RANBP10: variants seen among roughly 807,000 people sequenced by gnomAD.
RANBP10 encodes ran-binding protein 10.
In RANBP10, 24 loss-of-function variants were observed where a neutral mutation model predicts 72.8. The observed-to-expected ratio is 0.33, with a 90% CI of 0.24 to 0.46. RANBP10 has a LOEUF of 0.46. Ranked by LOEUF, RANBP10 falls within the 20% of genes least tolerant of loss-of-function variation. The probability of loss-of-function intolerance (pLI) is 1.00; values close to 1 mark genes in which losing one functional copy is unlikely to be tolerated. For synonymous variants in RANBP10, 310 were observed against 322.3 expected (o/e 0.96, Z 0.41); for missense variants, 679 against 817.5 (o/e 0.83, Z 2.07).
At chr16:67,733,060 A>AC (rs1439164869) in intron 6 of RANBP10, among the ~76,000 whole-genome samples, 10 of 148,696 alleles carry the variant, frequency 6.7e-5, no homozygotes, top group Non-Finnish European at 1.3e-4. Context: ...TCTCAAAAAA[A>AC]AAAAAAAAAA....
Position 67,725,990 on chromosome 16 carries a change from T to A in RANBP10, c.*438A>T, listed in dbSNP as rs2053590970. The A allele has an allele frequency of 6.4e-6, 1 of 155,244 alleles. No individual in the cohort carries two copies. The highest frequency in any genetic ancestry group is 1.7e-4 in the South Asian group (1 of 5,774). The allele number at this position is 155,244 out of a possible 1,614,324, so 9.6% of individuals were successfully genotyped here. A position where few individuals can be genotyped will look rare whatever the true frequency, so the allele number is the denominator to read the frequency against. The stretch of plus-strand genomic sequence containing the variant: ...TATATTTTTATATATATATATATAA[T>A]CTCATTTGTTTTTTACTTATGAAAA... On this transcript the variant is annotated 3_prime_UTR_variant, in exon 14 of 14. Transcript: ENST00000317506.
rs116400768 is a variant in RANBP10, at chr16:67,762,155, C to G, written c.400+9879G>C. On this transcript the variant is annotated intron_variant, in intron 3 of 13. Transcript: ENST00000317506. ...GGTTGTGTGCCTGTAGTTCCAGCTACTCGGGAAGCTGAGGCAAGAAAATCA... is the reference window on the plus strand; with the variant it reads ...GGTTGTGTGCCTGTAGTTCCAGCTAGTCGGGAAGCTGAGGCAAGAAAATCA... Among the ~76,000 whole-genome samples the G allele has an allele frequency of 1.6e-3, 251 of 152,212 alleles. 2 individuals carry two copies. Among genetic ancestry groups the G allele is most frequent in the African/African-American group, 5.8e-3 (240 of 41,522 alleles).
chr16:67,754,357 G>A (rs944553590), intron 3 of RANBP10, among the ~76,000 whole-genome samples: 11 of 152,184 alleles, frequency 7.2e-5, no homozygotes, highest in African/African-American at 2.7e-4. Context: ...TTTGAGTGAA[G>A]TCACTGGAGG....
intron 3 of RANBP10, among the ~76,000 whole-genome samples, chr16:67,746,558 G>A (rs1463761653): frequency 6.6e-6 from 1 of 152,178 alleles, no homozygotes; most frequent in African/African-American, 2.4e-5. Context: ...GGCTGAGGCA[G>A]GAGGATTATT....
At chr16:67,797,738 G>A (rs2055158638) in intron 2 of RANBP10, among the ~76,000 whole-genome samples, 1 of 152,062 alleles carries the variant, frequency 6.6e-6, no homozygotes, top group Admixed American at 6.6e-5. Context: ...TGAACCCTGG[G>A]AGGCGGAGGT....
chr16:67,753,264 G>A (rs1018328953), intron 3 of RANBP10, among the ~76,000 whole-genome samples: 4 of 151,440 alleles, frequency 2.6e-5, no homozygotes, highest in African/African-American at 2.4e-5. Context: ...CCAGCACTTC[G>A]GGAGGCCAAG....
intron 2 of RANBP10, among the ~76,000 whole-genome samples, chr16:67,801,886 G>A (rs1474944695): frequency 1.3e-5 from 2 of 152,030 alleles, no homozygotes; most frequent in East Asian, 3.9e-4. Flanking sequence ...CTTGAGCCCA[G>A]GAATTCAAGA....
intron 2 of RANBP10, among the ~76,000 whole-genome samples, chr16:67,774,237 A>G (rs2054656679): frequency 6.6e-6 from 1 of 152,192 alleles, no homozygotes; most frequent in Non-Finnish European, 1.5e-5. Flanking sequence ...CCAACACCAC[A>G]TGTCATCCCA....
intron 12 of RANBP10, 82 bp from the exon 13 acceptor site, chr16:67,727,520 G>A: frequency 7.2e-7 from 1 of 1,396,522 alleles, no homozygotes; most frequent in Non-Finnish European, 9.9e-7. Flanking sequence ...GGGAGACAGG[G>A]CCCTGCATGA....
At chr16:67,769,462 A>AAAAAAAAC (rs1567699175) in intron 3 of RANBP10, among the ~76,000 whole-genome samples, 1 of 136,798 alleles carries the variant, frequency 7.3e-6, no homozygotes, top group African/African-American at 2.7e-5. Context: ...AAAAAAAAAA[A>AAAAAAAAC]GTGCTGGGCG....
intron 2 of RANBP10, among the ~76,000 whole-genome samples, chr16:67,782,405 G>A (rs1460236152): frequency 6.6e-6 from 1 of 152,042 alleles, no homozygotes; most frequent in African/African-American, 2.4e-5. Flanking sequence ...TGGATTACAA[G>A]TGTGAGCCAC....
intron 1 of RANBP10, 93 bp downstream of exon 1, chr16:67,806,209 C>T: frequency 8.1e-7 from 1 of 1,231,424 alleles, no homozygotes; most frequent in South Asian, 1.5e-5. Flanking sequence ...AGCACCTAGG[C>T]AGGGAAAGGG....
At chr16:67,797,800 C>T (rs540389170) in intron 2 of RANBP10, among the ~76,000 whole-genome samples, 3 of 149,252 alleles carry the variant, frequency 2.0e-5, no homozygotes, top group African/African-American at 7.3e-5. Flanking sequence ...GACAGAGCAA[C>T]ACTCTGTCTC....
chr16:67,758,818 A>G (rs2054340250), intron 3 of RANBP10, among the ~76,000 whole-genome samples: 1 of 150,274 alleles, frequency 6.7e-6, no homozygotes, highest in African/African-American at 2.5e-5. Flanking sequence ...GACAGTATAG[A>G]GGAGGAATCC....
Position 67,734,933 on chromosome 16 carries a change from C to A in RANBP10, c.701G>T (p.Arg234Leu), listed in dbSNP as rs1238665690. The A allele has an allele frequency of 1.9e-6, 3 of 1,613,940 alleles. No homozygotes were observed. The highest frequency in any genetic ancestry group is 1.7e-5 in the Admixed American group (1 of 60,012). ...GTGGACCGTGCCCTGGACCTTGGCA[C>A]GCCACTCCCGCATGTAGTCCTCAAT... ...FDIEDYMREW[R>L]AKVQGTVHCF... The change falls in exon 6 of 14, where the codon CGT (arginine) becomes CTT (leucine). Residue 234 changes from arginine (R) to leucine (L), a missense_variant. Transcript: ENST00000317506.
In RANBP10 at chr16:67,779,422, G is replaced by A. The variant is rs190074928; in HGVS notation, c.348-7336C>T. Among the ~76,000 whole-genome samples, 271 of 150,992 alleles carry A rather than the reference G, an allele frequency of 1.8e-3. 1 individual carries two copies. The highest frequency in any genetic ancestry group is 4.4e-3 in the Admixed American group (66 of 15,096). On this transcript the variant is annotated intron_variant, in intron 2 of 13. Transcript: ENST00000317506. ...AAAGAAAAAAAAAAAAAAACACAGC[G>A]AGATACCACTTTGTACCCTTTGAGC...
At position 67,772,106 on chromosome 16, in the gene RANBP10, A is replaced by G; in HGVS notation, c.348-20T>C. 3 of 1,593,636 alleles carry G rather than the reference A, an allele frequency of 1.9e-6. No individual in the cohort carries two copies. Among genetic ancestry groups the G allele is most frequent in the Non-Finnish European group, 2.6e-6 (3 of 1,174,610 alleles). The stretch of plus-strand genomic sequence containing the variant: ...ATGTAACTTCAAAAAAAAAAAAAAA[A>G]AAAACACAAAATTTTTGGTTAGCAA... On this transcript the variant is annotated intron_variant, in intron 2 of 13. Coordinates refer to ENST00000317506, the MANE Select transcript of RANBP10 (RefSeq NM_020850.3).
At chr16:67,756,086 A>G (rs2143008827) in intron 3 of RANBP10, among the ~76,000 whole-genome samples, 1 of 152,294 alleles carries the variant, frequency 6.6e-6, no homozygotes, top group Non-Finnish European at 1.5e-5. Context: ...CAGTCACAGA[A>G]ATGCCAGGGT....
rs117258525 is a variant in RANBP10, at chr16:67,750,657, G to A, written c.401-6202C>T. The stretch of plus-strand genomic sequence containing the variant: ...AGTGACCAGCCCCAGCTGTCAGCCT[G>A]CCTCTTTCTCACACAAGGATGATCC... On this transcript the variant is annotated intron_variant, in intron 3 of 13. Transcript: ENST00000317506. Among the ~76,000 whole-genome samples the A allele has an allele frequency of 3.5e-3, 531 of 152,070 alleles. 1 individual carries two copies. Among genetic ancestry groups the A allele is most frequent in the Non-Finnish European group, 5.9e-3 (401 of 68,014 alleles).
Sources: gnomAD v4.1 joint callset for allele counts (sites outside exome capture counted in the v4.1 genomes callset) on GRCh38, gnomAD v4.1.1 for gene constraint, MANE v1.5 for transcripts, NCBI Gene and HGNC (gene_info 2026-07-23, HGNC 2026-07-21) for gene names.